Variants in JMJD1C observed in about 807,000 individuals in gnomAD.
The protein encoded by JMJD1C is jumonji domain-containing protein 1C.
Under a neutral mutation model 245.3 loss-of-function variants are expected in JMJD1C, and 31 were observed. That is an observed-to-expected ratio of 0.13 (90% CI 0.09 to 0.17). JMJD1C has a LOEUF of 0.17. Among genes scored for constraint, JMJD1C ranks in the 10% least tolerant of loss-of-function variants. The pLI is 1.00. For missense variants in JMJD1C, 2,691 were observed against 3,000.2 expected, an observed-to-expected ratio of 0.90 and a Z score of 2.41; for synonymous variants, 1,057 against 1,017.4, an observed-to-expected ratio of 1.04 and a Z score of -0.74.
At chr10:63,274,340 G>A (rs139358278) in intron 2 of JMJD1C, among the ~76,000 whole-genome samples, 96 of 152,298 alleles carry the variant, frequency 6.3e-4, no homozygotes, top group African/African-American at 2.2e-3. Context: ...GGAGGCAGGT[G>A]GATCACTTGA....
chr10:63,348,926 C>T (rs1320005002), intron 2 of JMJD1C, among the ~76,000 whole-genome samples: 1 of 151,750 alleles, frequency 6.6e-6, no homozygotes, highest in East Asian at 1.9e-4. Context: ...CATGGTGAAA[C>T]CCCGTCTCTA....
chr10:63,501,529 G>A (rs2133251755), intron 1 of JMJD1C, among the ~76,000 whole-genome samples: 1 of 152,286 alleles, frequency 6.6e-6, no homozygotes, highest in South Asian at 2.1e-4. Flanking sequence ...TGTAATCCCA[G>A]CACTTTGGGA....
chr10:63,181,126 A>G (rs2132858491), intron 22 of JMJD1C, among the ~76,000 whole-genome samples: 1 of 152,210 alleles, frequency 6.6e-6, no homozygotes, highest in South Asian at 2.1e-4. Flanking sequence ...TCAGCCTCCC[A>G]AAGTGTTGGG....
intron 3 of JMJD1C, among the ~76,000 whole-genome samples, chr10:63,240,642 T>TA (rs1407581852): frequency 6.6e-6 from 1 of 152,158 alleles, no homozygotes; most frequent in Non-Finnish European, 1.5e-5. Context: ...GATAAGGCCA[T>TA]AACCAGACTG....
At chr10:63,292,280 G>A (rs73292330) in intron 2 of JMJD1C, among the ~76,000 whole-genome samples, 3,703 of 149,840 alleles carry the variant, frequency 0.025, 152 homozygotes, top group African/African-American at 0.086. Flanking sequence ...TTTCTATTCT[G>A]CATTTTAATT....
chr10:63,452,668 G>C (rs908679226), intron 1 of JMJD1C, among the ~76,000 whole-genome samples: 1 of 152,120 alleles, frequency 6.6e-6, no homozygotes, highest in African/African-American at 2.4e-5. Flanking sequence ...AAAGGTAGAA[G>C]CAATCCTTCT....
chr10:63,463,259 G>A lies in JMJD1C; in HGVS notation c.168+2236C>T, dbSNP rs1269828163. On this transcript the variant is annotated intron_variant, in intron 1 of 25. Coordinates refer to ENST00000399262, the MANE Select transcript of JMJD1C (RefSeq NM_032776.3). ...GGCTCACTGCAGTCTCAACCTCACT[G>A]AGCTCAGGTGATCCTCCCACCTCAG... is the stretch of plus-strand genomic sequence containing the variant. Among the ~76,000 whole-genome samples, 9 of 151,850 alleles carry A rather than the reference G, an allele frequency of 5.9e-5. 1 individual carries two copies. Among genetic ancestry groups the A allele is most frequent in the Non-Finnish European group, 1.3e-4 (9 of 67,860 alleles).
intron 3 of JMJD1C, among the ~76,000 whole-genome samples, chr10:63,246,591 A>G (rs901573755): frequency 2.0e-5 from 3 of 152,172 alleles, no homozygotes; most frequent in Admixed American, 1.3e-4. Context: ...AATGTAAGAT[A>G]TAAGTTCTTC....
At position 63,168,036 on chromosome 10, in the gene JMJD1C, G is replaced by A. The variant is rs1209907850; in HGVS notation, c.*9C>T. 1 of 1,491,400 alleles carries A rather than the reference G, an allele frequency of 6.7e-7. No individual in the cohort carries two copies. The highest frequency in any genetic ancestry group is 9.4e-7 in the Non-Finnish European group (1 of 1,069,274). 92.4% of individuals were successfully genotyped at this position (1,491,400 alleles called of 1,614,324 possible). ...TTCAACAACCTAAAAATATCAAACT[G>A]GATCACACTTAATTTTCTTCCATAT... On this transcript the variant is annotated 3_prime_UTR_variant, in exon 26 of 26. Coordinates refer to ENST00000399262, the MANE Select transcript of JMJD1C (RefSeq NM_032776.3).
chr10:63,504,481 C>T (rs776096994), intron 1 of JMJD1C, among the ~76,000 whole-genome samples: 51 of 152,076 alleles, frequency 3.4e-4, no homozygotes, highest in Non-Finnish European at 2.5e-4. Context: ...GCAGAATCAA[C>T]GACCCTAAGG....
chr10:63,330,049 C>A (rs539740772), intron 2 of JMJD1C, among the ~76,000 whole-genome samples: 1 of 152,032 alleles, frequency 6.6e-6, no homozygotes, highest in African/African-American at 2.4e-5. Context: ...TACAGGCATG[C>A]GCCACCACGC....
At chr10:63,200,836 A>G (rs1845926524) in intron 10 of JMJD1C, among the ~76,000 whole-genome samples, 159 bp from the exon 11 acceptor site, 1 of 152,220 alleles carries the variant, frequency 6.6e-6, no homozygotes, top group African/African-American at 2.4e-5. Context: ...TAATGACTAA[A>G]AAGTGCAGCA....
At chr10:63,376,447 T>C (rs972782925) in intron 2 of JMJD1C, among the ~76,000 whole-genome samples, 3 of 152,116 alleles carry the variant, frequency 2.0e-5, no homozygotes, top group Non-Finnish European at 2.9e-5. Flanking sequence ...TTTAAAACTT[T>C]TGTGCAGCAC....
rs528973456 is a variant in JMJD1C, at chr10:63,412,534, G to A, written c.169-32052C>T. Reference sequence around the variant, plus strand: ...TTAAGCAGACATTCGCAACATTTGAGTTCAACACAGTAAAAACAGGAGGTG... The same window carrying A: ...TTAAGCAGACATTCGCAACATTTGAATTCAACACAGTAAAAACAGGAGGTG... On this transcript the variant is annotated intron_variant, in intron 1 of 25. Transcript: ENST00000399262. Among the ~76,000 whole-genome samples the A allele has an allele frequency of 2.0e-5, 3 of 152,300 alleles. No homozygotes were observed. In the South Asian group the frequency reaches 6.2e-4, roughly 32 times the overall value.
At chr10:63,202,382 A>ATT in intron 10 of JMJD1C, 2 of 985,256 alleles carry the variant, frequency 2.0e-6, no homozygotes, top group Non-Finnish European at 2.4e-6. Flanking sequence ...ATAGTTTGCT[A>ATT]TTTCTGTCAT....
chr10:63,402,194 CAA>C, intron 1 of JMJD1C, among the ~76,000 whole-genome samples: 1 of 148,808 alleles, frequency 6.7e-6, no homozygotes, highest in East Asian at 2.0e-4. Flanking sequence ...AGCAAACATA[CAA>C]AGGGCTAAAA....
At chr10:63,278,051 A>G (rs1314980047) in intron 2 of JMJD1C, among the ~76,000 whole-genome samples, 1 of 150,514 alleles carries the variant, frequency 6.6e-6, no homozygotes, top group Non-Finnish European at 1.5e-5. Flanking sequence ...AATAAAAACA[A>G]AAGTTATTAG....
intron 2 of JMJD1C, among the ~76,000 whole-genome samples, chr10:63,300,054 T>C (rs917088331): frequency 1.3e-5 from 2 of 151,120 alleles, no homozygotes; most frequent in Non-Finnish European, 2.9e-5. Context: ...CTGTGTTTTC[T>C]AGAAAAACAG....
At chr10:63,360,319 C>G (rs191347469) in intron 2 of JMJD1C, among the ~76,000 whole-genome samples, 1 of 152,218 alleles carries the variant, frequency 6.6e-6, no homozygotes, top group African/African-American at 2.4e-5. Flanking sequence ...TATAATCATG[C>G]CACTGCATTT....
Sources: gnomAD v4.1 joint callset for allele counts (sites outside exome capture counted in the v4.1 genomes callset) on GRCh38, gnomAD v4.1.1 for gene constraint, MANE v1.5 for transcripts, NCBI Gene and HGNC (gene_info 2026-07-23, HGNC 2026-07-21) for gene names.